Variants in FBN1 observed in about 807,000 individuals in gnomAD.
FBN1 encodes the protein fibrillin-1.
Under a neutral mutation model 365.1 loss-of-function variants are expected in FBN1, and 29 were observed. That is an observed-to-expected ratio of 0.08 (90% CI 0.06 to 0.11). The LOEUF (loss-of-function observed/expected upper bound fraction) is 0.11. Ranked by LOEUF, FBN1 falls within the 10% of genes least tolerant of loss-of-function variation. The pLI is 1.00. For missense variants in FBN1, 2,476 were observed against 3,703.2 expected (o/e 0.67, Z 8.60); for synonymous variants, 1,210 against 1,270.5 (o/e 0.95, Z 1.01).
chr15:48,609,510 T>C (rs986009098), intron 4 of FBN1, among the ~76,000 whole-genome samples: 2 of 152,228 alleles, frequency 1.3e-5, no homozygotes, highest in African/African-American at 4.8e-5. Flanking sequence ...ATCAAATCTA[T>C]TATCACTGTG....
intron 10 of FBN1, among the ~76,000 whole-genome samples, chr15:48,519,390 T>C (rs1181134582): frequency 6.6e-6 from 1 of 152,222 alleles, no homozygotes; most frequent in African/African-American, 2.4e-5. Flanking sequence ...TTTTGCTAAA[T>C]ACTATGGAAG....
rs2044552463 is a variant in FBN1 at position 48,600,334 on chromosome 15, T to C, written c.347-100A>G. On this transcript the variant is annotated intron_variant, in intron 4 of 65. Transcript: ENST00000316623. ...GTAGTTATTTGAAGAGAAAATCAAA[T>C]AGCTTATCAGGATTCATCTATTTTT... is the stretch of plus-strand genomic sequence containing the variant. 6.0e-6 allele frequency: 5 copies of C among 831,114 alleles called. No homozygotes were observed. The Admixed American group carries it at 9.4e-5, about 16-fold the overall frequency. 51.5% of individuals were successfully genotyped at this position (831,114 alleles called of 1,614,324 possible).
chr15:48,448,583 G>A (rs902370056), intron 46 of FBN1, among the ~76,000 whole-genome samples, 185 bp downstream of exon 46: 2 of 152,096 alleles, frequency 1.3e-5, no homozygotes, highest in African/African-American at 4.8e-5. Context: ...AACAAAGGAA[G>A]AGGTTTATCA....
In FBN1 at chr15:48,526,259, G is replaced by A; in HGVS notation, c.863-4C>T. ...ATGGTGCTGCATTCATCAATATCTG[G>A]AATATAAAAAAAAGAATCTCAGCAT... is the stretch of plus-strand genomic sequence containing the variant. On this transcript the variant is annotated splice_region_variant and splice_polypyrimidine_tract_variant and intron_variant, in intron 8 of 65. Coordinates refer to ENST00000316623, the MANE Select transcript of FBN1 (RefSeq NM_000138.5). 6.2e-7 allele frequency: 1 copy of A among 1,613,500 alleles called. No individual in the cohort carries two copies. The highest frequency in any genetic ancestry group is 1.1e-5 in the South Asian group (1 of 91,034).
chr15:48,568,049 G>GAAGA (rs1555403283), intron 6 of FBN1, among the ~76,000 whole-genome samples: 779 of 40,050 alleles, frequency 0.019, 11 homozygotes, highest in Non-Finnish European at 0.024. Flanking sequence ...AAGAAAGAAA[G>GAAGA]AAGAAAGAAA....
intron 47 of FBN1, 135 bp from the exon 48 acceptor site, chr15:48,445,639 G>A (rs1566898482): frequency 1.7e-5 from 15 of 875,666 alleles, no homozygotes; most frequent in Admixed American, 2.0e-5. Context: ...AACAAGAAAT[G>A]CCAATGAAGA....
chr15:48,520,684 A>T lies in FBN1; in HGVS notation c.1122T>A (p.Pro374=), dbSNP rs1351342439. Residue 374 remains proline (P), a synonymous_variant, in exon 10 of 66, where the codon CCT becomes CCA. Transcript: ENST00000316623. ...RCWSPGVTVA[P]EMCPIRATED... ...CGGTTGCTCTGATGGGACACATCTC[A>T]GGGGCGACAGTGACCCCTGGAGACC... 1.2e-6 allele frequency: 2 copies of T among 1,614,012 alleles called. No homozygotes were observed. Among genetic ancestry groups the T allele is most frequent in the African/African-American group, 2.7e-5 (2 of 74,912 alleles).
intron 47 of FBN1, 31 bp downstream of exon 47, chr15:48,446,674 TC>T: frequency 1.5e-6 from 2 of 1,309,932 alleles, no homozygotes; most frequent in South Asian, 2.4e-5. Flanking sequence ...AAAACTGACT[TC>T]CTTTGCTGAT....
intron 6 of FBN1, among the ~76,000 whole-genome samples, chr15:48,548,438 C>T (rs1349589102): frequency 1.3e-5 from 2 of 152,220 alleles, no homozygotes; most frequent in Non-Finnish European, 2.9e-5. Context: ...ATAGGCCACT[C>T]TAGTTCTAGC....
Position 48,462,693 on chromosome 15 carries a change from AT to A in FBN1, c.5224+388del, listed in dbSNP as rs1417285930. Among the ~76,000 whole-genome samples the A allele has an allele frequency of 2.6e-5, 4 of 152,258 alleles. 1 individual carries two copies. The East Asian group carries it at 5.8e-4, about 22-fold the overall frequency. On this transcript the variant is annotated intron_variant, in intron 42 of 65. Transcript: ENST00000316623. ...ACATCTTTGTAGGCTGCCTTTAACT[AT>A]TTTTGGAACAAGTTTAGCTTTAAAT...
intron 2 of FBN1, among the ~76,000 whole-genome samples, chr15:48,624,669 C>T (rs1889840818): frequency 6.6e-6 from 1 of 152,268 alleles, no homozygotes; most frequent in South Asian, 2.1e-4. Context: ...TCTGAAACCC[C>T]TGGACTTCAC....
At chr15:48,455,568 C>G (rs1597540113) in intron 44 of FBN1, among the ~76,000 whole-genome samples, 2 of 152,202 alleles carry the variant, frequency 1.3e-5, no homozygotes, top group African/African-American at 2.4e-5. Flanking sequence ...TTCCCTCTCC[C>G]ACATCCATGC....
intron 2 of FBN1, among the ~76,000 whole-genome samples, chr15:48,638,948 A>G (rs1890149885): frequency 6.6e-6 from 1 of 152,236 alleles, no homozygotes; most frequent in Non-Finnish European, 1.5e-5. Flanking sequence ...ATATTAAAAT[A>G]TAATACGCTG....
intron 12 of FBN1, 143 bp downstream of exon 12, chr15:48,515,244 C>T (rs1473837951): frequency 4.6e-6 from 4 of 873,488 alleles, no homozygotes; most frequent in Non-Finnish European, 7.2e-6. Context: ...TACTAACCTA[C>T]AGAGCTGAAA....
chr15:48,557,179 G>A (rs1300451021), intron 6 of FBN1, among the ~76,000 whole-genome samples: 2 of 152,126 alleles, frequency 1.3e-5, no homozygotes, highest in Non-Finnish European at 2.9e-5. Context: ...TCAAGAATTT[G>A]GTAACCTATG....
intron 36 of FBN1, 142 bp downstream of exon 36, chr15:48,470,492 G>A: frequency 1.7e-6 from 2 of 1,143,938 alleles, no homozygotes; most frequent in Middle Eastern, 2.8e-4. Flanking sequence ...CCAGGTCTGA[G>A]AAAAGGTATC....
intron 65 of FBN1, among the ~76,000 whole-genome samples, chr15:48,412,345 G>C (rs1339362345): frequency 6.6e-6 from 1 of 152,196 alleles, no homozygotes; most frequent in Non-Finnish European, 1.5e-5. Context: ...CAGAGGAAAT[G>C]AGCAAGTATG....
intron 45 of FBN1, among the ~76,000 whole-genome samples, chr15:48,451,750 A>G (rs1597537064): frequency 6.6e-6 from 1 of 152,226 alleles, no homozygotes; most frequent in East Asian, 1.9e-4. Flanking sequence ...TTTGCTAAAT[A>G]TACAGATTCA....
In FBN1 at chr15:48,485,472, T is replaced by C. The variant is rs794728207; in HGVS notation, c.3614A>G (p.Asn1205Ser). 1.2e-6 allele frequency: 2 copies of C among 1,614,212 alleles called. No homozygotes were observed. The highest frequency in any genetic ancestry group is 1.7e-6 in the Non-Finnish European group (2 of 1,180,010). The change falls in exon 30 of 66, where the codon AAT becomes AGT. Residue 1205 changes from asparagine to serine, a missense_variant. Coordinates refer to ENST00000316623, the MANE Select transcript of FBN1 (RefSeq NM_000138.5). ...CVDIDECSIM[N>S]GGCETFCTNS... ...TGTGCAGAAGGTTTCACAACCACCA[T>C]TCATTATGCTGCATTCATCAATGTC...
Sources: gnomAD v4.1 joint callset for allele counts (sites outside exome capture counted in the v4.1 genomes callset) on GRCh38, gnomAD v4.1.1 for gene constraint, MANE v1.5 for transcripts, NCBI Gene and HGNC (gene_info 2026-07-23, HGNC 2026-07-21) for gene names.